The following AP3B2 variants were observed in gnomAD, a reference collection of about 807,000 sequenced individuals.
AP3B2 encodes AP-3 complex subunit beta-2.
Under a neutral mutation model 126.9 loss-of-function variants are expected in AP3B2, and 50 were observed. The ratio of observed to expected loss-of-function variants is 0.39; its 90% CI spans 0.31 to 0.50. The LOEUF is 0.50. AP3B2 is among the 20% of genes least tolerant of loss of function. AP3B2 has a pLI of 0.79. For missense variants in AP3B2, 1,177 were observed against 1,426.4 expected, an observed-to-expected ratio of 0.83 and a Z score of 2.82; for synonymous variants, 541 against 565.0, an observed-to-expected ratio of 0.96 and a Z score of 0.60.
chr15:82,680,966 G>C lies in AP3B2; in HGVS notation c.642C>G (p.Ile214Met). The C allele has an allele frequency of 6.2e-7, 1 of 1,613,864 alleles. No individual in the cohort carries two copies. Among genetic ancestry groups the C allele is most frequent in the Non-Finnish European group, 8.5e-7 (1 of 1,179,878 alleles). Residue 214 changes from isoleucine (I) to methionine (M), a missense_variant, in exon 7 of 27, where the codon ATC (isoleucine) becomes ATG (methionine). This residue lies in a region of AP3B2 where 130 missense variants were observed against 262.0 expected (regional missense o/e 0.50). Transcript: ENST00000535359. The surrounding 1 kb of genome is among the most constrained non-coding windows in gnomAD (Gnocchi z 6.1). ...MAFEEVCPER[I>M]DLIHKNYRKL... The stretch of plus-strand genomic sequence containing the variant: ...TCCGGTAGTTTTTGTGAATCAGGTC[G>C]ATGCGCTCCGGGCAGACCTCCTCAA...
chr15:82,668,834 C>G (rs1332128727), intron 14 of AP3B2, among the ~76,000 whole-genome samples: 1 of 152,134 alleles, frequency 6.6e-6, no homozygotes, highest in African/African-American at 2.4e-5. Flanking sequence ...AAGGCTCCCC[C>G]TCACCAACAG....
At chr15:82,663,313 C>T (rs984306077) in intron 21 of AP3B2, 80 bp from the exon 22 acceptor site, 16 of 1,172,666 alleles carry the variant, frequency 1.4e-5, no homozygotes, top group South Asian at 1.0e-4. Context: ...TCAAGGAGCA[C>T]GCATTTCAGC....
At chr15:82,709,191 G>A (rs988451837) in intron 1 of AP3B2, among the ~76,000 whole-genome samples, 4 of 152,062 alleles carry the variant, frequency 2.6e-5, no homozygotes, top group Admixed American at 6.5e-5. Flanking sequence ...TTCCTGAAGA[G>A]GCCCCAGGCT....
At chr15:82,662,659 G>C in intron 23 of AP3B2, 35 bp downstream of exon 23, 1 of 1,566,294 alleles carries the variant, frequency 6.4e-7, no homozygotes, top group African/African-American at 1.4e-5. Context: ...CTGCCCAGGA[G>C]CCTCCTCCTC....
At chr15:82,679,277 C>A (rs1296042837) in intron 10 of AP3B2, among the ~76,000 whole-genome samples, 2 of 152,166 alleles carry the variant, frequency 1.3e-5, no homozygotes, top group Non-Finnish European at 2.9e-5. Flanking sequence ...GCACCTGCCA[C>A]CACGCCTGGC....
At chr15:82,676,195 C>G (rs74566235) in intron 14 of AP3B2, among the ~76,000 whole-genome samples, 3,203 of 152,278 alleles carry the variant, frequency 0.021, 112 homozygotes, top group African/African-American at 0.072. Context: ...CCCCAGAGTT[C>G]CAAGGTGGCA....
chr15:82,675,543 T>TA lies in AP3B2; in HGVS notation c.1665+917dup, dbSNP rs1250873279. Among the ~76,000 whole-genome samples, 12 of 152,354 alleles carry TA rather than the reference T, an allele frequency of 7.9e-5. No homozygotes were observed. In the East Asian group the frequency reaches 2.3e-3, roughly 29 times the overall value. On this transcript the variant is annotated intron_variant, in intron 14 of 26. Transcript: ENST00000535359. ...TATAAATCTGTAGACCCCAGCCACCTAGCCAGAGGTTTTGCTTCAAGGATT... is the reference window on the plus strand; with the variant it reads ...TATAAATCTGTAGACCCCAGCCACCTAAGCCAGAGGTTTTGCTTCAAGGATT...
Position 82,681,083 on chromosome 15 carries a change from C to A in AP3B2, c.588+29G>T, listed in dbSNP as rs1168598290. The A allele has an allele frequency of 1.2e-6, 2 of 1,613,464 alleles. No homozygotes were observed. The highest frequency in any genetic ancestry group is 8.5e-7 in the Non-Finnish European group (1 of 1,179,782). On this transcript the variant is annotated intron_variant, in intron 6 of 26. Transcript: ENST00000535359. This position sits in a 1 kb window ranked among gnomAD's most constrained non-coding sequence, Gnocchi z 4.0. ...GTGGAAGGCCGGCTGCCGGTCACCACCCCTCCCGGAGCGCCCCTATACACG... is the reference window on the plus strand; with the variant it reads ...GTGGAAGGCCGGCTGCCGGTCACCAACCCTCCCGGAGCGCCCCTATACACG...
At chr15:82,667,025 G>GAAC in intron 14 of AP3B2, 92 bp from the exon 15 acceptor site, 6 of 1,319,324 alleles carry the variant, frequency 4.5e-6, no homozygotes, top group Non-Finnish European at 6.3e-6. Flanking sequence ...CTTTCAGGCA[G>GAAC]AACGTCTCCT....
At chr15:82,692,718 T>C (rs541528750) in intron 1 of AP3B2, 9 of 152,610 alleles carry the variant, frequency 5.9e-5, no homozygotes, top group Non-Finnish European at 7.3e-5. Context: ...AGAGACTCCA[T>C]AGATGGCCTC....
intron 1 of AP3B2, among the ~76,000 whole-genome samples, chr15:82,700,270 T>G (rs1275468696): frequency 6.6e-6 from 1 of 151,786 alleles, no homozygotes; most frequent in Non-Finnish European, 1.5e-5. Context: ...ATCAACCTTC[T>G]CTTATCTCTA....
chr15:82,700,665 C>T (rs938768055), intron 1 of AP3B2, among the ~76,000 whole-genome samples: 3 of 151,782 alleles, frequency 2.0e-5, no homozygotes, highest in Non-Finnish European at 4.4e-5. Context: ...TCCCAAAGTG[C>T]TAGGATTACA....
intron 1 of AP3B2, among the ~76,000 whole-genome samples, chr15:82,690,231 C>CT (rs957094376): frequency 9.8e-5 from 14 of 143,186 alleles, no homozygotes; most frequent in South Asian, 2.2e-4. Flanking sequence ...AATTGTTGTA[C>CT]TTTTTTTTTT....
At chr15:82,661,973 C>A in intron 24 of AP3B2, 51 bp from the exon 25 acceptor site, 4 of 1,523,384 alleles carry the variant, frequency 2.6e-6, no homozygotes, top group Non-Finnish European at 3.6e-6. Flanking sequence ...CATCTCTCCC[C>A]TCACTTCCCA....
chr15:82,663,597 A>G lies in AP3B2; in HGVS notation c.2460T>C (p.Pro820=), dbSNP rs748851002. 1.1e-5 allele frequency: 18 copies of G among 1,613,926 alleles called. No homozygotes were observed. Among genetic ancestry groups the G allele is most frequent in the Non-Finnish European group, 1.5e-5 (18 of 1,179,846 alleles). The stretch of plus-strand genomic sequence containing the variant: ...CAAGCAGGGAGATCTCCTTGGTTGC[A>G]GGAGCACTTTTGCTGCTGGGAGGCT... ...RKTPPSSKSA[P]ATKEISLLDL... is the part of the protein sequence containing the mutation. The change falls in exon 21 of 27, where the codon CCT becomes CCC. Residue 820 remains proline, a synonymous_variant. Coordinates refer to ENST00000535359, the MANE Select transcript of AP3B2 (RefSeq NM_001278512.2).
At chr15:82,689,546 G>C in intron 1 of AP3B2, 93 bp from the exon 2 acceptor site, 1 of 1,268,518 alleles carries the variant, frequency 7.9e-7, no homozygotes, top group South Asian at 1.3e-5. Context: ...GACATGGCCA[G>C]GGGAGGCTCA....
intron 1 of AP3B2, among the ~76,000 whole-genome samples, chr15:82,694,968 G>A (rs574773634): frequency 2.0e-5 from 3 of 152,242 alleles, no homozygotes; most frequent in Admixed American, 6.5e-5. Context: ...AGTTCCTCAC[G>A]CAGAGATCCT....
intron 15 of AP3B2, among the ~76,000 whole-genome samples, chr15:82,666,527 G>A (rs1843426846): frequency 1.3e-5 from 2 of 152,222 alleles, no homozygotes; most frequent in African/African-American, 4.8e-5. Context: ...ATCCTGGCCA[G>A]GAAGGCAGAC....
chr15:82,693,029 CAT>C (rs2048568264), intron 1 of AP3B2, among the ~76,000 whole-genome samples: 1 of 151,838 alleles, frequency 6.6e-6, no homozygotes, highest in Non-Finnish European at 1.5e-5. Context: ...AGGAAACAAT[CAT>C]AGACAACTCA....
Sources: allele counts gnomAD v4.1 joint callset (sites outside exome capture counted in the v4.1 genomes callset), GRCh38; gene constraint gnomAD v4.1.1; regional missense constraint gnomAD v4.1.1; non-coding constraint Gnocchi (gnomAD v3.1); transcripts MANE v1.5; gene names NCBI Gene and HGNC (gene_info 2026-07-23, HGNC 2026-07-21).